ADGB: variants seen among roughly 807,000 people sequenced by gnomAD.
ADGB encodes calpain-7-like protein.
In ADGB, 172 loss-of-function variants were observed where a neutral mutation model predicts 210.5. The observed-to-expected ratio is 0.82, with a 90% CI of 0.72 to 0.93. The LOEUF (loss-of-function observed/expected upper bound fraction) is 0.93, where lower values mean the gene tolerates loss of function less well. ADGB is among the 40% of genes least tolerant of loss of function. The probability of loss-of-function intolerance (pLI) is 0.00; values close to 1 mark genes in which losing one functional copy is unlikely to be tolerated. For missense variants in ADGB, 2,025 were observed against 1,964.8 expected, an observed-to-expected ratio of 1.03 and a Z score of -0.58; for synonymous variants, 658 against 662.7, an observed-to-expected ratio of 0.99 and a Z score of 0.11.
At chr6:146,803,156 C>T (rs575727852) in intron 35 of ADGB, 2 of 1,490,604 alleles carry the variant, frequency 1.3e-6, no homozygotes, top group East Asian at 4.5e-5. Context: ...CTATCCTCAA[C>T]AAATAAGCTA....
intron 1 of ADGB, among the ~76,000 whole-genome samples, chr6:146,617,255 G>A (rs769403355): frequency 6.6e-6 from 1 of 151,904 alleles, no homozygotes; most frequent in Non-Finnish European, 1.5e-5. Context: ...GTTCACAGTT[G>A]GTGTATGAAA....
intron 2 of ADGB, among the ~76,000 whole-genome samples, chr6:146,642,007 T>G (rs992140694): frequency 6.6e-6 from 1 of 152,084 alleles, no homozygotes; most frequent in African/African-American, 2.4e-5. Flanking sequence ...ACTGTACATC[T>G]GACCAAGGTC....
rs142525982 is a variant in ADGB at position 146,649,860 on chromosome 6, G to A, written c.331-4275G>A. Among the ~76,000 whole-genome samples the A allele has an allele frequency of 3.5e-3, 528 of 152,082 alleles. 2 individuals carry two copies. The highest frequency in any genetic ancestry group is 0.012 in the African/African-American group (479 of 41,482). ...TTTATATGAACTTGAAAAGCATCTG[G>A]ACTTATTTTATGAATACTCACTTAC... On this transcript the variant is annotated intron_variant, in intron 3 of 35. Coordinates refer to ENST00000397944, the MANE Select transcript of ADGB (RefSeq NM_024694.4).
In ADGB at chr6:146,724,204, C is replaced by T. The variant is rs868014514; in HGVS notation, c.2114C>T (p.Pro705Leu). The T allele has an allele frequency of 6.5e-6, 10 of 1,547,966 alleles. No individual in the cohort carries two copies. In the South Asian group the frequency reaches 7.2e-5, roughly 11 times the overall value. Residue 705 changes from proline to leucine, a missense_variant, in exon 18 of 36, where the codon CCT becomes CTT. Transcript: ENST00000397944. ...CTTAAAGCCTTAACAAAAGACAGTC[C>T]TCCCATAGAGCCTGGACTTCTCACA... The part of the protein sequence containing the change: ...GEYGALTKDS[P>L]PIEPGLLTAE...
At chr6:146,746,970 A>T (rs1777249057) in intron 26 of ADGB, among the ~76,000 whole-genome samples, 1 of 152,218 alleles carries the variant, frequency 6.6e-6, no homozygotes. Context: ...TTTCAATAGT[A>T]AACTTTGTGC....
At chr6:146,776,093 C>T (rs529089040) in intron 29 of ADGB, among the ~76,000 whole-genome samples, 32 of 152,144 alleles carry the variant, frequency 2.1e-4, no homozygotes, top group African/African-American at 7.5e-4. Flanking sequence ...AAGAGGAGAC[C>T]TAAAGGCATA....
intron 10 of ADGB, among the ~76,000 whole-genome samples, chr6:146,687,438 T>C (rs960353508): frequency 1.3e-5 from 2 of 152,026 alleles, no homozygotes; most frequent in African/African-American, 4.8e-5. Flanking sequence ...ATATGGTACA[T>C]ATGCACCACG....
intron 13 of ADGB, among the ~76,000 whole-genome samples, chr6:146,710,436 T>C (rs947705720): frequency 6.6e-6 from 1 of 152,076 alleles, no homozygotes; most frequent in Non-Finnish European, 1.5e-5. Context: ...GTAAATGTAG[T>C]TCTAAATTAT....
chr6:146,643,641 C>T (rs1015490856), intron 2 of ADGB, among the ~76,000 whole-genome samples: 8 of 151,666 alleles, frequency 5.3e-5, no homozygotes, highest in Admixed American at 3.3e-4. Flanking sequence ...AATAAGAATT[C>T]AAAAATTAGT....
chr6:146,646,528 C>T (rs896475144), intron 3 of ADGB, among the ~76,000 whole-genome samples: 1 of 152,096 alleles, frequency 6.6e-6, no homozygotes, highest in African/African-American at 2.4e-5. Context: ...GTTTAGGCAT[C>T]TGTGTGCCCA....
intron 10 of ADGB, among the ~76,000 whole-genome samples, chr6:146,686,651 C>T (rs1014948882): frequency 2.6e-5 from 4 of 152,046 alleles, no homozygotes; most frequent in African/African-American, 9.7e-5. Context: ...AACTTTTCTC[C>T]TTCCCTTGTG....
At chr6:146,689,374 A>C (rs1230583511) in intron 10 of ADGB, among the ~76,000 whole-genome samples, 1 of 152,148 alleles carries the variant, frequency 6.6e-6, no homozygotes, top group African/African-American at 2.4e-5. Flanking sequence ...TGCTTAGTAC[A>C]TTGAAAATAA....
At chr6:146,744,527 T>C (rs1777201369) in intron 25 of ADGB, among the ~76,000 whole-genome samples, 1 of 152,238 alleles carries the variant, frequency 6.6e-6, no homozygotes, top group Non-Finnish European at 1.5e-5. Flanking sequence ...GAGGTTCACA[T>C]GAGACATGCT....
intron 33 of ADGB, among the ~76,000 whole-genome samples, chr6:146,799,058 C>CAAAAAAAA (rs71552962): frequency 2.3e-3 from 144 of 62,782 alleles, no homozygotes; most frequent in Non-Finnish European, 2.7e-3. Flanking sequence ...TATGGAAATG[C>CAAAAAAAA]AAAAAAAAAA....
intron 5 of ADGB, among the ~76,000 whole-genome samples, chr6:146,659,080 C>A (rs964150053): frequency 2.0e-5 from 3 of 152,176 alleles, no homozygotes; most frequent in African/African-American, 2.4e-5. Flanking sequence ...TACATATTAA[C>A]ATTAGTAAGA....
intron 5 of ADGB, among the ~76,000 whole-genome samples, chr6:146,658,319 A>G (rs1222673915): frequency 6.6e-6 from 1 of 152,162 alleles, no homozygotes; most frequent in Non-Finnish European, 1.5e-5. Context: ...CAAGAGGACT[A>G]TTATCTAGAC....
At chr6:146,728,854 A>G (rs1411069015) in intron 20 of ADGB, 113 bp downstream of exon 20, 5 of 895,332 alleles carry the variant, frequency 5.6e-6, no homozygotes, top group Non-Finnish European at 8.0e-6. Context: ...TTGGATGGAG[A>G]TAATATATTT....
chr6:146,693,619 G>A (rs1776362253), intron 12 of ADGB, among the ~76,000 whole-genome samples: 2 of 152,144 alleles, frequency 1.3e-5, no homozygotes. Flanking sequence ...TGTGGAAGTG[G>A]TTTCCACATC....
At chr6:146,621,094 A>G (rs910443799) in intron 1 of ADGB, among the ~76,000 whole-genome samples, 1 of 152,186 alleles carries the variant, frequency 6.6e-6, no homozygotes, top group African/African-American at 2.4e-5. Flanking sequence ...TACAGTGAGC[A>G]CCAAAACTTA....
Sources: gnomAD v4.1 joint callset for allele counts (sites outside exome capture counted in the v4.1 genomes callset) on GRCh38, gnomAD v4.1.1 for gene constraint, MANE v1.5 for transcripts, NCBI Gene and HGNC (gene_info 2026-07-23, HGNC 2026-07-21) for gene names.